The following AMMECR1 variants were observed in gnomAD, a reference collection of about 807,000 sequenced individuals.
AMMECR1 encodes the protein AMMECR nuclear protein 1.
In AMMECR1, 3 loss-of-function variants were observed where a neutral mutation model predicts 22.5. That is an observed-to-expected ratio of 0.13 (90% CI 0.06 to 0.35). The LOEUF is 0.35. Ranked by LOEUF, AMMECR1 falls within the 10% of genes least tolerant of loss-of-function variation. The pLI is 1.00. For synonymous variants in AMMECR1, 130 were observed against 116.7 expected (o/e 1.11, Z -0.74); for missense variants, 235 against 278.7 (o/e 0.84, Z 1.12).
At chrX:110,221,693 G>A (rs2148174010) in intron 2 of AMMECR1, among the ~76,000 whole-genome samples, 1 of 110,992 alleles carries the variant, frequency 9.0e-6, no homozygotes, top group South Asian at 3.8e-4. Flanking sequence ...GGTAATTCAT[G>A]GGGAATAGAG....
chrX:110,323,298 G>T (rs1489350612), intron 2 of AMMECR1, among the ~76,000 whole-genome samples: 1 of 111,656 alleles, frequency 9.0e-6, no homozygotes, highest in Non-Finnish European at 1.9e-5. Context: ...ACAATTCGAT[G>T]ATTTTTAGAA....
chrX:110,386,583 A>G lies in AMMECR1; in HGVS notation c.-148+40075T>C, dbSNP rs1270899684. On this transcript the variant is annotated intron_variant, in intron 2 of 7. Coordinates refer to the AMMECR1 transcript ENST00000372057. The stretch of plus-strand genomic sequence containing the variant: ...CAGTTCTTATATATTCTGCATGCAA[A>G]TCTCTTGTCAGATATATGTTTGTGA... 5.4e-5 allele frequency among the ~76,000 whole-genome samples: 6 copies of G among 111,283 alleles called. No homozygotes were observed. In the Admixed American group the frequency reaches 5.7e-4, roughly 11 times the overall value.
At chrX:110,354,003 T>C (rs1462721687) in intron 2 of AMMECR1, among the ~76,000 whole-genome samples, 2 of 112,260 alleles carry the variant, frequency 1.8e-5, no homozygotes, top group Non-Finnish European at 3.8e-5. Flanking sequence ...AAAATATTGA[T>C]GAAATAAATT....
At chrX:110,292,022 C>A (rs768166168) in intron 1 of AMMECR1, among the ~76,000 whole-genome samples, 1 of 112,341 alleles carries the variant, frequency 8.9e-6, no homozygotes, top group Non-Finnish European at 1.9e-5. Context: ...TAGTTGATTA[C>A]ATTGTGACAA....
chrX:110,414,463 A>G (rs1159482483), intron 2 of AMMECR1, among the ~76,000 whole-genome samples: 1 of 112,695 alleles, frequency 8.9e-6, no homozygotes, highest in South Asian at 3.7e-4. Context: ...TCTTCTAGGT[A>G]CCAGCCACTG....
intron 2 of AMMECR1, among the ~76,000 whole-genome samples, chrX:110,426,214 G>A (rs146167287): frequency 8.9e-6 from 1 of 112,333 alleles, no homozygotes; most frequent in African/African-American, 3.2e-5. Context: ...ATTAATCATC[G>A]ATTCAGCCAG....
intron 2 of AMMECR1, among the ~76,000 whole-genome samples, chrX:110,354,423 CATTGT>C (rs1050707964): frequency 1.8e-5 from 2 of 111,889 alleles, no homozygotes; most frequent in African/African-American, 6.5e-5. Context: ...ATAGCATTTA[CATTGT>C]ATTAGGTATT....
intron 2 of AMMECR1, among the ~76,000 whole-genome samples, chrX:110,382,044 A>T (rs1161792272): frequency 8.9e-6 from 1 of 111,829 alleles, no homozygotes; most frequent in Non-Finnish European, 1.9e-5. Context: ...CATTTTAGAC[A>T]GATTAATCTA....
At chrX:110,225,100 AAG>A (rs761800069) in intron 2 of AMMECR1, 8 of 365,052 alleles carry the variant, frequency 2.2e-5, no homozygotes, top group South Asian at 2.0e-4. Flanking sequence ...TCACTAAAAA[AAG>A]TTTGAGCACA....
At chrX:110,254,646 A>G (rs1281657713) in intron 2 of AMMECR1, among the ~76,000 whole-genome samples, 2 of 111,814 alleles carry the variant, frequency 1.8e-5, no homozygotes, top group Non-Finnish European at 3.8e-5. Context: ...ACAAAAAAAA[A>G]GAAAGAAAAA....
chrX:110,371,771 G>A (rs2068340562), intron 2 of AMMECR1, among the ~76,000 whole-genome samples: 2 of 111,353 alleles, frequency 1.8e-5, no homozygotes, highest in African/African-American at 6.5e-5. Context: ...ATCTTCTAAA[G>A]CTATGGCTAC....
At chrX:110,422,904 T>A (rs1314131984) in intron 2 of AMMECR1, among the ~76,000 whole-genome samples, 1 of 112,422 alleles carries the variant, frequency 8.9e-6, no homozygotes, top group African/African-American at 3.2e-5. Flanking sequence ...TAAATGCTAT[T>A]CTCAGTGCAT....
At chrX:110,383,572 G>C (rs2068435105) in intron 2 of AMMECR1, among the ~76,000 whole-genome samples, 1 of 111,032 alleles carries the variant, frequency 9.0e-6, no homozygotes, top group Non-Finnish European at 1.9e-5. Context: ...CTAAACTCCA[G>C]TCATACTGAA....
intron 3 of AMMECR1, among the ~76,000 whole-genome samples, chrX:110,205,084 A>AT (rs1260616089): frequency 6.3e-5 from 7 of 111,757 alleles, no homozygotes; most frequent in Non-Finnish European, 1.9e-5. Context: ...AGAGTGACTC[A>AT]TTTTTTTCAG....
intron 2 of AMMECR1, among the ~76,000 whole-genome samples, chrX:110,331,039 G>A (rs934689456): frequency 1.8e-5 from 2 of 109,514 alleles, no homozygotes. Flanking sequence ...CCTCTACTCT[G>A]TGTTTACTAA....
upstream of AMMECR1, among the ~76,000 whole-genome samples, chrX:110,321,603 G>A (rs1001111075): frequency 9.0e-6 from 1 of 111,410 alleles, no homozygotes. Context: ...ATTTGTTCTC[G>A]TGTTTACAAC....
intron 1 of AMMECR1, among the ~76,000 whole-genome samples, chrX:110,307,404 A>T (rs2068001906): frequency 8.9e-6 from 1 of 111,994 alleles, no homozygotes; most frequent in Non-Finnish European, 1.9e-5. Flanking sequence ...AGTACAAAAG[A>T]GATAGGTATG....
Position 110,387,859 on chromosome X carries a change from T to C in AMMECR1, c.-148+38799A>G, listed in dbSNP as rs867104690. On this transcript the variant is annotated intron_variant, in intron 2 of 7. Coordinates refer to the AMMECR1 transcript ENST00000372057. ...ATATGATCGTTATCTCCCTCTCTCT[T>C]TTTTTTTTTTTTTTTTTTTTGAGAC... 1.3e-3 allele frequency among the ~76,000 whole-genome samples: 111 copies of C among 82,951 alleles called. 1 individual carries two copies. Among genetic ancestry groups the C allele is most frequent in the Middle Eastern group, 5.8e-3 (1 of 173 alleles). The allele number at this position is 82,951 out of a possible 115,157, so 72.0% of individuals were successfully genotyped here.
chrX:110,204,188 AT>A (rs888138341), intron 3 of AMMECR1, among the ~76,000 whole-genome samples: 3 of 110,351 alleles, frequency 2.7e-5, no homozygotes, highest in African/African-American at 6.6e-5. Flanking sequence ...GTAGCTTTGA[AT>A]TTTTTTTTCC....
Sources: allele counts gnomAD v4.1 joint callset (sites outside exome capture counted in the v4.1 genomes callset), GRCh38; gene constraint gnomAD v4.1.1; transcripts MANE v1.5; gene names NCBI Gene and HGNC (gene_info 2026-07-23, HGNC 2026-07-21).